The following PLXDC2 variants were observed in gnomAD, a reference collection of about 807,000 sequenced individuals.
PLXDC2 encodes plexin domain-containing protein 2.
A neutral mutation model predicts 68.9 loss-of-function variants in PLXDC2; 40 were observed. That is an observed-to-expected ratio of 0.58 (90% CI 0.45 to 0.76). The LOEUF (loss-of-function observed/expected upper bound fraction) is 0.76, where lower values mean the gene tolerates loss of function less well. Ranked by LOEUF, PLXDC2 falls within the 30% of genes least tolerant of loss-of-function variation. PLXDC2 has a pLI of 0.00. For synonymous variants in PLXDC2, 243 were observed against 234.2 expected, an observed-to-expected ratio of 1.04 and a Z score of -0.34; for missense variants, 644 against 661.9, an observed-to-expected ratio of 0.97 and a Z score of 0.30.
chr10:20,131,423 G>C (rs1833866598), intron 4 of PLXDC2, among the ~76,000 whole-genome samples: 1 of 151,882 alleles, frequency 6.6e-6, no homozygotes, highest in South Asian at 2.1e-4. Flanking sequence ...TTTTGAGACA[G>C]AGTTTCACTC....
At chr10:20,132,264 C>CAT (rs60373433) in intron 4 of PLXDC2, among the ~76,000 whole-genome samples, 135,680 of 152,040 alleles carry the variant, frequency 0.89, 60,868 homozygotes, top group Non-Finnish European at 0.94. Context: ...TTTGACCTAA[C>CAT]GTGGATCTAT....
At chr10:20,230,708 A>AAAC (rs1409513998) in intron 12 of PLXDC2, among the ~76,000 whole-genome samples, 2 of 149,482 alleles carry the variant, frequency 1.3e-5, no homozygotes, top group African/African-American at 2.4e-5. Context: ...AAAAAAAAAA[A>AAAC]AAAAAACAGG....
At chr10:19,841,828 A>G (rs571638680) in intron 1 of PLXDC2, among the ~76,000 whole-genome samples, 14 of 152,232 alleles carry the variant, frequency 9.2e-5, no homozygotes, top group African/African-American at 3.4e-4. Context: ...ACATCTTTTC[A>G]TTTCTGTTTG....
chr10:20,001,042 A>G, intron 1 of PLXDC2, among the ~76,000 whole-genome samples: 1 of 152,152 alleles, frequency 6.6e-6, no homozygotes, highest in East Asian at 1.9e-4. Context: ...CCTGCAGATG[A>G]CTTTAAAATG....
intron 9 of PLXDC2, among the ~76,000 whole-genome samples, chr10:20,186,282 T>G (rs1304582016): frequency 6.6e-6 from 1 of 151,944 alleles, no homozygotes; most frequent in Non-Finnish European, 1.5e-5. Context: ...ATTGAAGGCG[T>G]CAAAGAGAGA....
chr10:19,945,075 C>T (rs1299180583), intron 1 of PLXDC2, among the ~76,000 whole-genome samples: 1 of 152,178 alleles, frequency 6.6e-6, no homozygotes, highest in East Asian at 1.9e-4. Flanking sequence ...GTGACCGGCC[C>T]AAGAGTAGCT....
intron 1 of PLXDC2, among the ~76,000 whole-genome samples, chr10:19,851,032 T>C (rs1837107102): frequency 6.6e-6 from 1 of 152,126 alleles, no homozygotes; most frequent in African/African-American, 2.4e-5. Context: ...GTGTTCAAAA[T>C]AAAGGATTTT....
At chr10:20,042,553 A>G (rs759755102) in intron 2 of PLXDC2, among the ~76,000 whole-genome samples, 3 of 151,388 alleles carry the variant, frequency 2.0e-5, no homozygotes, top group Non-Finnish European at 1.5e-5. Context: ...TCAAATGACT[A>G]CTACACTGAT....
chr10:19,854,117 G>T (rs1276907118), intron 1 of PLXDC2, among the ~76,000 whole-genome samples: 2 of 152,176 alleles, frequency 1.3e-5, no homozygotes, highest in Non-Finnish European at 2.9e-5. Flanking sequence ...CCACAACTGG[G>T]TGTCTTACAT....
chr10:20,128,116 G>A (rs1224121585), intron 4 of PLXDC2, among the ~76,000 whole-genome samples: 1 of 152,148 alleles, frequency 6.6e-6, no homozygotes, highest in African/African-American at 2.4e-5. Context: ...CATGGTCAAA[G>A]GTATTAGGTG....
At chr10:20,207,680 C>G (rs181084093) in intron 9 of PLXDC2, among the ~76,000 whole-genome samples, 2 of 152,178 alleles carry the variant, frequency 1.3e-5, no homozygotes, top group Admixed American at 6.5e-5. Flanking sequence ...TCTAACTCAT[C>G]TGGAATTAAA....
intron 2 of PLXDC2, 122 bp from the exon 3 acceptor site, chr10:20,046,747 A>G (rs553429826): frequency 2.8e-5 from 26 of 936,954 alleles, no homozygotes; most frequent in South Asian, 2.2e-4. Context: ...CTCCTAGAGT[A>G]TAGTTAAATC....
chr10:19,912,842 TCCAAA>T (rs1374125014), intron 1 of PLXDC2, among the ~76,000 whole-genome samples: 1 of 152,170 alleles, frequency 6.6e-6, no homozygotes, highest in Admixed American at 6.5e-5. Flanking sequence ...CTGATTATCA[TCCAAA>T]GATCTCATTA....
chr10:19,980,553 C>A (rs1834535454), intron 1 of PLXDC2, among the ~76,000 whole-genome samples: 1 of 152,186 alleles, frequency 6.6e-6, no homozygotes, highest in Admixed American at 6.5e-5. Context: ...TTGCTATGTT[C>A]TCACATGGCA....
chr10:20,168,148 A>G (rs1404034670), intron 7 of PLXDC2, among the ~76,000 whole-genome samples: 2 of 152,192 alleles, frequency 1.3e-5, no homozygotes, highest in Non-Finnish European at 2.9e-5. Context: ...AGGGAAAAGT[A>G]TGGTAAAACT....
chr10:20,226,160 G>A (rs1835284626), intron 12 of PLXDC2, among the ~76,000 whole-genome samples: 1 of 152,152 alleles, frequency 6.6e-6, no homozygotes, highest in Admixed American at 6.6e-5. Flanking sequence ...TTAATTGGTG[G>A]CAACAAGAAA....
intron 9 of PLXDC2, among the ~76,000 whole-genome samples, chr10:20,182,691 A>G (rs910200594): frequency 6.7e-6 from 1 of 149,488 alleles, no homozygotes; most frequent in Non-Finnish European, 1.5e-5. Context: ...TTTTTTTTTT[A>G]ATTTTACTTT....
intron 13 of PLXDC2, among the ~76,000 whole-genome samples, chr10:20,248,852 G>A (rs1054549868): frequency 1.3e-5 from 2 of 152,120 alleles, no homozygotes; most frequent in Non-Finnish European, 2.9e-5. Context: ...TGCCTTTTAT[G>A]TTCCATATTA....
intron 9 of PLXDC2, among the ~76,000 whole-genome samples, chr10:20,178,892 AAGG>A (rs202143357): frequency 0.028 from 4,234 of 152,238 alleles, 77 homozygotes; most frequent in Middle Eastern, 0.071. Context: ...GCAGTTTTAA[AAGG>A]AGATTTTTAA....
Sources: gnomAD v4.1 joint callset for allele counts (sites outside exome capture counted in the v4.1 genomes callset) on GRCh38, gnomAD v4.1.1 for gene constraint, MANE v1.5 for transcripts, NCBI Gene and HGNC (gene_info 2026-07-23, HGNC 2026-07-21) for gene names.